MYO9A: variants seen among roughly 807,000 people sequenced by gnomAD.
MYO9A encodes the protein myosin IXA, also known as unconventional myosin-IXa.
Under a neutral mutation model 293.3 loss-of-function variants are expected in MYO9A, and 103 were observed. The observed-to-expected ratio is 0.35, with a 90% confidence interval of 0.30 to 0.41. The LOEUF is 0.41. Ranked by LOEUF, MYO9A falls within the 10% of genes least tolerant of loss-of-function variation. MYO9A has a pLI of 1.00. For missense variants in MYO9A, 2,685 were observed against 3,033.0 expected (o/e 0.89, Z 2.69); for synonymous variants, 1,001 against 1,035.7 (o/e 0.97, Z 0.64).
intron 30 of MYO9A, 58 bp downstream of exon 30, chr15:71,879,663 G>A (rs908945540): frequency 3.6e-5 from 45 of 1,238,122 alleles, no homozygotes; most frequent in Non-Finnish European, 4.8e-5. Context: ...CTTCTACAGC[G>A]CTATCAAATT....
At chr15:71,975,913 G>A (rs1596310723) in intron 12 of MYO9A, among the ~76,000 whole-genome samples, 1 of 152,190 alleles carries the variant, frequency 6.6e-6, no homozygotes, top group African/African-American at 2.4e-5. Flanking sequence ...CTGGAGGGTG[G>A]TACACCCAGG....
chr15:71,905,572 G>A (rs1451802548), intron 19 of MYO9A, among the ~76,000 whole-genome samples: 1 of 151,910 alleles, frequency 6.6e-6, no homozygotes, highest in East Asian at 1.9e-4. Context: ...GATCACCTGA[G>A]GTCAGAAGTT....
chr15:71,940,328 C>G (rs1257404685), intron 15 of MYO9A, among the ~76,000 whole-genome samples: 1 of 152,118 alleles, frequency 6.6e-6, no homozygotes, highest in East Asian at 1.9e-4. Context: ...AACCCCACCT[C>G]TATAAAAAAT....
chr15:71,899,125 T>C lies in MYO9A; in HGVS notation c.3471-93A>G, dbSNP rs2057413179. On this transcript the variant is annotated intron_variant, in intron 24 of 41. Coordinates refer to ENST00000356056, the MANE Select transcript of MYO9A (RefSeq NM_006901.4). Reference sequence around the variant, plus strand: ...GAGAATTTAAGAAAAAATGCAGAGTTGTAAAATCTTTTTATAATACCTAAG... The same window carrying C: ...GAGAATTTAAGAAAAAATGCAGAGTCGTAAAATCTTTTTATAATACCTAAG... 11 of 1,200,168 alleles carry C rather than the reference T, an allele frequency of 9.2e-6. No homozygotes were observed. In the East Asian group the frequency reaches 2.6e-4, roughly 28 times the overall value. 74.3% of individuals were successfully genotyped at this position (1,200,168 alleles called of 1,614,324 possible).
At chr15:72,047,540 T>C (rs1021671879) in intron 1 of MYO9A, among the ~76,000 whole-genome samples, 1 of 152,152 alleles carries the variant, frequency 6.6e-6, no homozygotes, top group Admixed American at 6.5e-5. Context: ...TCAAAATTTA[T>C]TCCTATCTTT....
At chr15:71,940,888 C>T (rs1034754599) in intron 15 of MYO9A, among the ~76,000 whole-genome samples, 1 of 151,408 alleles carries the variant, frequency 6.6e-6, no homozygotes, top group African/African-American at 2.4e-5. Context: ...GCCATCTCAC[C>T]CCAGCCTGGA....
intron 1 of MYO9A, among the ~76,000 whole-genome samples, chr15:72,110,878 G>A (rs187293210): frequency 8.9e-4 from 135 of 152,132 alleles, no homozygotes; most frequent in Admixed American, 7.9e-3. Context: ...TCTTGATTTC[G>A]GCCGGGCATG....
chr15:71,990,125 C>T (rs2076502397), intron 11 of MYO9A, among the ~76,000 whole-genome samples: 1 of 149,032 alleles, frequency 6.7e-6, no homozygotes, highest in East Asian at 2.0e-4. Flanking sequence ...CATTCTGTTG[C>T]CCAGTCTGGC....
chr15:72,032,449 TA>T, intron 3 of MYO9A, 44 bp downstream of exon 3: 1 of 1,274,818 alleles, frequency 7.8e-7, no homozygotes. Flanking sequence ...AGACAAAAAT[TA>T]AAACATGCTC....
intron 1 of MYO9A, among the ~76,000 whole-genome samples, chr15:72,057,394 T>C (rs954958967): frequency 2.0e-5 from 3 of 152,240 alleles, no homozygotes; most frequent in African/African-American, 7.2e-5. Context: ...AGTATATGTG[T>C]ATCAGCTTAG....
At chr15:71,846,179 A>C (rs2055377830) in intron 39 of MYO9A, among the ~76,000 whole-genome samples, 2 of 152,216 alleles carry the variant, frequency 1.3e-5, no homozygotes, top group Admixed American at 1.3e-4. Flanking sequence ...ATGAGATAGA[A>C]CTGAGTTCAC....
At chr15:72,030,884 G>A (rs1019523072) in intron 3 of MYO9A, among the ~76,000 whole-genome samples, 1 of 152,078 alleles carries the variant, frequency 6.6e-6, no homozygotes, top group African/African-American at 2.4e-5. Flanking sequence ...AGAAGACAGG[G>A]GGCCCCAACC....
intron 1 of MYO9A, among the ~76,000 whole-genome samples, chr15:72,075,541 T>C (rs2079323496): frequency 6.6e-6 from 1 of 151,860 alleles, no homozygotes; most frequent in Admixed American, 6.6e-5. Context: ...AAGTAAAAAA[T>C]ATTTGAAAAG....
chr15:72,093,157 T>C (rs958532343), intron 1 of MYO9A, among the ~76,000 whole-genome samples: 2 of 152,094 alleles, frequency 1.3e-5, no homozygotes, highest in African/African-American at 4.8e-5. Context: ...GAATATAAAA[T>C]AACTGCTTTC....
At chr15:72,011,092 T>C (rs540211225) in intron 6 of MYO9A, among the ~76,000 whole-genome samples, 1 of 151,852 alleles carries the variant, frequency 6.6e-6, no homozygotes, top group Admixed American at 6.6e-5. Flanking sequence ...TCACTGCAGC[T>C]TCGACCTCCC....
intron 1 of MYO9A, among the ~76,000 whole-genome samples, chr15:72,049,548 C>A (rs1212254368): frequency 6.6e-6 from 1 of 152,184 alleles, no homozygotes; most frequent in Non-Finnish European, 1.5e-5. Context: ...TGGACCAGTG[C>A]CAGTCCATGG....
intron 1 of MYO9A, among the ~76,000 whole-genome samples, chr15:72,052,626 G>A (rs755654535): frequency 4.4e-4 from 67 of 152,206 alleles, no homozygotes; most frequent in Non-Finnish European, 8.5e-4. Flanking sequence ...ACCCTCTTTG[G>A]GGCTCTACGG....
intron 31 of MYO9A, 80 bp downstream of exon 31, chr15:71,877,960 T>C: frequency 7.8e-7 from 1 of 1,285,750 alleles, no homozygotes; most frequent in Non-Finnish European, 1.1e-6. Flanking sequence ...CTCAAATTTC[T>C]CAAATACAAG....
At chr15:72,079,935 T>TA (rs1461099182) in intron 1 of MYO9A, among the ~76,000 whole-genome samples, 1 of 152,164 alleles carries the variant, frequency 6.6e-6, no homozygotes, top group East Asian at 1.9e-4. Flanking sequence ...TTTAAAAGTT[T>TA]AAAAAAGCAT....
Sources: allele counts gnomAD v4.1 joint callset (sites outside exome capture counted in the v4.1 genomes callset), GRCh38; gene constraint gnomAD v4.1.1; transcripts MANE v1.5; gene names NCBI Gene and HGNC (gene_info 2026-07-23, HGNC 2026-07-21).